The following CCDC91 variants were observed in gnomAD, a reference collection of about 807,000 sequenced individuals.
CCDC91 encodes the protein coiled-coil domain containing 91.
CCDC91 carries 48 observed loss-of-function variants against 63.2 expected under a neutral mutation model. The ratio of observed to expected loss-of-function variants is 0.76; its 90% CI spans 0.60 to 0.97. CCDC91 has a LOEUF of 0.97. CCDC91 is among the 50% of genes least tolerant of loss of function. The pLI, the probability that CCDC91 is intolerant of heterozygous loss-of-function variation, is 0.00. For missense variants in CCDC91, 500 were observed against 494.6 expected, an observed-to-expected ratio of 1.01 and a Z score of -0.10; for synonymous variants, 167 against 165.8, an observed-to-expected ratio of 1.01 and a Z score of -0.06.
At chr12:28,443,197 C>G (rs528579316) in intron 8 of CCDC91, among the ~76,000 whole-genome samples, 5 of 147,386 alleles carry the variant, frequency 3.4e-5, no homozygotes, top group Admixed American at 6.8e-5. Context: ...ATTCTTCTCC[C>G]TTAATAGTTA....
intron 1 of CCDC91, among the ~76,000 whole-genome samples, chr12:28,232,205 A>G (rs1443975865): frequency 3.9e-5 from 6 of 152,042 alleles, no homozygotes; most frequent in African/African-American, 7.2e-5. Flanking sequence ...TGCATTTGAA[A>G]ATTTCTTGGA....
rs11049544 is a variant in CCDC91, at chr12:28,342,348, C to G, written c.577-20090C>G. On this transcript the variant is annotated intron_variant, in intron 6 of 12. Coordinates refer to ENST00000536442, the MANE Select transcript of CCDC91 (RefSeq NM_018318.5). ...ATAAATGTGTGTTGTTTTAAGCCAC[C>G]GAGTTTATAGTAATTTGTTATGACA... Among the ~76,000 whole-genome samples the G allele has an allele frequency of 2.6e-5, 4 of 151,826 alleles. No homozygotes were observed. The East Asian group carries it at 7.7e-4, about 29-fold the overall frequency.
chr12:28,479,083 T>C (rs888006628), intron 11 of CCDC91, among the ~76,000 whole-genome samples: 4 of 152,158 alleles, frequency 2.6e-5, no homozygotes, highest in East Asian at 1.9e-4. Context: ...GAACTAGAAA[T>C]AGCATTTGAC....
chr12:28,205,926 C>G (rs539679048), intron 1 of CCDC91, among the ~76,000 whole-genome samples: 1 of 152,336 alleles, frequency 6.6e-6, no homozygotes, highest in East Asian at 1.9e-4. Flanking sequence ...TTGAGCACAA[C>G]TTTAGTCATT....
intron 6 of CCDC91, among the ~76,000 whole-genome samples, chr12:28,330,910 C>A (rs1941448029): frequency 6.6e-6 from 1 of 152,126 alleles, no homozygotes; most frequent in Non-Finnish European, 1.5e-5. Flanking sequence ...AAACCAAAAA[C>A]CCCTCAGATA....
chr12:28,298,746 A>G lies in CCDC91; in HGVS notation c.110-6903A>G, dbSNP rs547845721. On this transcript the variant is annotated intron_variant, in intron 3 of 12. Coordinates refer to ENST00000536442, the MANE Select transcript of CCDC91 (RefSeq NM_018318.5). ...ATTTTGTAAAAAAAAAACAACAACA[A>G]CAACAACAAAAAATTGTGTGTGCTT... is the stretch of plus-strand genomic sequence containing the variant. Among the ~76,000 whole-genome samples, 31 of 149,114 alleles carry G rather than the reference A, an allele frequency of 2.1e-4. No individual in the cohort carries two copies. In the East Asian group the frequency reaches 6.0e-3, roughly 29 times the overall value.
chr12:28,201,854 C>T (rs1399654435), intron 1 of CCDC91, among the ~76,000 whole-genome samples: 6 of 143,700 alleles, frequency 4.2e-5, no homozygotes, highest in East Asian at 1.9e-4. Flanking sequence ...AGCGAAACCC[C>T]GTCTCCACCA....
chr12:28,448,047 T>C (rs1949622124), intron 8 of CCDC91, among the ~76,000 whole-genome samples: 2 of 152,060 alleles, frequency 1.3e-5, no homozygotes, highest in Admixed American at 1.3e-4. Flanking sequence ...ACGGATTACA[T>C]TATGTAGCTT....
chr12:28,509,403 A>G (rs1037223595), intron 12 of CCDC91, among the ~76,000 whole-genome samples: 2 of 150,984 alleles, frequency 1.3e-5, no homozygotes, highest in Non-Finnish European at 3.0e-5. Context: ...TGGTGGCAGG[A>G]TAGGGGTGGT....
chr12:28,382,635 TC>T (rs1945364549), intron 7 of CCDC91, among the ~76,000 whole-genome samples: 1 of 152,112 alleles, frequency 6.6e-6, no homozygotes, highest in Admixed American at 6.6e-5. Context: ...AAAAGCCACA[TC>T]ATTTAAGGCT....
At chr12:28,227,540 C>T (rs1451494718) in intron 1 of CCDC91, among the ~76,000 whole-genome samples, 1 of 151,934 alleles carries the variant, frequency 6.6e-6, no homozygotes, top group Non-Finnish European at 1.5e-5. Context: ...TCCATATTGT[C>T]TAAGCCCAAA....
chr12:28,459,235 A>T (rs1169203357), intron 11 of CCDC91, among the ~76,000 whole-genome samples: 1 of 152,100 alleles, frequency 6.6e-6, no homozygotes, highest in Non-Finnish European at 1.5e-5. Flanking sequence ...CTCCCTGCAG[A>T]TTAAATCAAG....
At chr12:28,407,591 T>C (rs1464978764) in intron 8 of CCDC91, among the ~76,000 whole-genome samples, 1 of 152,216 alleles carries the variant, frequency 6.6e-6, no homozygotes, top group Non-Finnish European at 1.5e-5. Context: ...GTTCTTTCCA[T>C]TTCCATGTAA....
At position 28,362,280 on chromosome 12, in the gene CCDC91, T is replaced by TTATATATATATATATATATATATATATA. The variant is rs71438746; in HGVS notation, c.577-143_577-142insATATATATATATATATATATATATATAT. Among the ~76,000 whole-genome samples, 967 of 131,194 alleles carry TTATATATATATATATATATATATATATA rather than the reference T, an allele frequency of 7.4e-3. 51 individuals carry two copies. The highest frequency in any genetic ancestry group is 0.013 in the Non-Finnish European group (736 of 55,824). The allele number at this position is 131,194 out of a possible 152,430, so 86.1% of individuals were successfully genotyped here. On this transcript the variant is annotated intron_variant, in intron 6 of 12. Transcript: ENST00000536442. ...TTCTCCAATGCTTTTAAGCAAAGCT[T>TTATATATATATATATATATATATATATA]TATATATATATATATGTTTTCTCTT...
intron 6 of CCDC91, among the ~76,000 whole-genome samples, chr12:28,341,249 G>A (rs1391427929): frequency 6.6e-6 from 1 of 152,136 alleles, no homozygotes; most frequent in Non-Finnish European, 1.5e-5. Context: ...TGGGGGCATG[G>A]CAGGCCAGGG....
chr12:28,257,455 T>C (rs1347642205), intron 2 of CCDC91, among the ~76,000 whole-genome samples: 1 of 152,094 alleles, frequency 6.6e-6, no homozygotes, highest in East Asian at 1.9e-4. Context: ...CATTTGGACT[T>C]GCCCATAGGA....
At chr12:28,333,619 C>A (rs1365244064) in intron 6 of CCDC91, among the ~76,000 whole-genome samples, 1 of 152,040 alleles carries the variant, frequency 6.6e-6, no homozygotes, top group Non-Finnish European at 1.5e-5. Context: ...TCACTTTTAT[C>A]TCTATCTTGG....
intron 12 of CCDC91, among the ~76,000 whole-genome samples, chr12:28,547,702 T>C (rs1349462186): frequency 6.6e-6 from 1 of 152,148 alleles, no homozygotes; most frequent in East Asian, 1.9e-4. Context: ...TCTCCGAATA[T>C]TGGAATTGAA....
In CCDC91 at chr12:28,450,383, C is replaced by A; in HGVS notation, c.889C>A (p.Gln297Lys). Residue 297 changes from glutamine (Q) to lysine (K), a missense_variant, in exon 10 of 13, where the codon CAA becomes AAA. Gln to Lys is a moderately conservative substitution (Grantham distance 53). Transcript: ENST00000536442. ...ILEKCLEEER[Q>K]RNKEALVSAA... ...GGAAAAGTGTTTGGAGGAAGAAAGG[C>A]AAAGAAATAAAGAGGCATTAGTATC... The A allele has an allele frequency of 6.2e-7, 1 of 1,611,988 alleles. No individual in the cohort carries two copies. Among genetic ancestry groups the A allele is most frequent in the Non-Finnish European group, 8.5e-7 (1 of 1,178,504 alleles).
Sources: gnomAD v4.1 joint callset for allele counts (sites outside exome capture counted in the v4.1 genomes callset) on GRCh38, gnomAD v4.1.1 for gene constraint, MANE v1.5 for transcripts, NCBI Gene and HGNC (gene_info 2026-07-23, HGNC 2026-07-21) for gene names.